Variants in RTL4 observed in about 807,000 individuals in gnomAD.
RTL4 encodes retrotransposon Gag like 4.
Under a neutral mutation model 5.3 loss-of-function variants are expected in RTL4, and 4 were observed. The ratio of observed to expected loss-of-function variants is 0.75; its 90% CI spans 0.37 to 1.72. The LOEUF (loss-of-function observed/expected upper bound fraction) is 1.72. Ranked by LOEUF, RTL4 falls within the 40% of genes most tolerant of loss-of-function variation. The pLI is 0.04. For synonymous variants in RTL4, 98 were observed against 87.3 expected (o/e 1.12, Z -0.68); for missense variants, 260 against 227.1 (o/e 1.14, Z -0.93).
At chrX:112,175,539 C>T in the RTL4 span, among the ~76,000 whole-genome samples, 2 of 108,677 alleles carry the variant, frequency 1.8e-5, no homozygotes, top group Non-Finnish European at 1.9e-5. Flanking sequence ...GTTCTTTTGG[C>T]TTAGGATTGA....
chrX:112,328,518 G>C, the RTL4 span, among the ~76,000 whole-genome samples: 1 of 111,481 alleles, frequency 9.0e-6, no homozygotes, highest in Admixed American at 9.5e-5. Flanking sequence ...CAAGTCCTGA[G>C]TGACCTACAA....
the RTL4 span, among the ~76,000 whole-genome samples, chrX:112,333,086 G>A: frequency 1.9e-5 from 2 of 106,847 alleles, no homozygotes; most frequent in East Asian, 5.8e-4. Context: ...CTTCAATGGT[G>A]TGTGTGTGTG....
chrX:112,122,637 A>G, the RTL4 span, among the ~76,000 whole-genome samples: 87 of 111,325 alleles, frequency 7.8e-4, 1 homozygote, highest in African/African-American at 2.8e-3. Context: ...GTTGAGGTGA[A>G]TAAATACCCT....
upstream of RTL4, among the ~76,000 whole-genome samples, chrX:112,454,013 G>A (rs1926787929): frequency 9.0e-6 from 1 of 111,464 alleles, no homozygotes; most frequent in South Asian, 3.7e-4. Flanking sequence ...TTACCTCTCT[G>A]GGTCTCTGTT....
At chrX:112,242,202 G>A in the RTL4 span, among the ~76,000 whole-genome samples, 2 of 111,575 alleles carry the variant, frequency 1.8e-5, no homozygotes, top group African/African-American at 6.5e-5. Flanking sequence ...TCCACATGAA[G>A]TTTAAAGTAG....
the RTL4 span, among the ~76,000 whole-genome samples, chrX:112,262,627 A>T: frequency 2.7e-5 from 3 of 111,995 alleles, no homozygotes; most frequent in African/African-American, 9.7e-5. Context: ...ATTGTGGAAG[A>T]CAGTATGACA....
the RTL4 span, among the ~76,000 whole-genome samples, chrX:112,193,895 G>C: frequency 8.9e-6 from 1 of 112,297 alleles, no homozygotes; most frequent in Non-Finnish European, 1.9e-5. Context: ...GACACTCATT[G>C]AGAATATCCT....
chrX:112,325,419 A>G, the RTL4 span, among the ~76,000 whole-genome samples: 1 of 112,171 alleles, frequency 8.9e-6, no homozygotes, highest in South Asian at 3.7e-4. Flanking sequence ...GGCTACAGTA[A>G]CCAAAACAGC....
chrX:112,199,027 G>A, the RTL4 span, among the ~76,000 whole-genome samples: 3 of 110,955 alleles, frequency 2.7e-5, no homozygotes, highest in Non-Finnish European at 3.8e-5. Flanking sequence ...GGTGGCTCAC[G>A]CCTGTAATCC....
At chrX:112,117,993 T>C in the RTL4 span, among the ~76,000 whole-genome samples, 3 of 111,666 alleles carry the variant, frequency 2.7e-5, no homozygotes, top group East Asian at 2.8e-4. Flanking sequence ...AAATAAGATA[T>C]AATACAGTCA....
chrX:112,241,306 C>T, the RTL4 span, among the ~76,000 whole-genome samples: 1 of 111,489 alleles, frequency 9.0e-6, no homozygotes, highest in Admixed American at 9.5e-5. Context: ...TACAGTCCCA[C>T]CAACAGTGTA....
At chrX:112,314,351 G>A in the RTL4 span, among the ~76,000 whole-genome samples, 1 of 109,832 alleles carries the variant, frequency 9.1e-6, no homozygotes, top group African/African-American at 3.3e-5. Flanking sequence ...TCCTAGTAAT[G>A]GGAACTTTTT....
the RTL4 span, among the ~76,000 whole-genome samples, chrX:112,432,501 T>A: frequency 1.2e-4 from 12 of 103,159 alleles, no homozygotes; most frequent in East Asian, 2.9e-4. Flanking sequence ...GCATTTTTTC[T>A]TGTGTTTTTT....
At chrX:112,368,636 C>A in the RTL4 span, among the ~76,000 whole-genome samples, 3 of 110,320 alleles carry the variant, frequency 2.7e-5, no homozygotes, top group African/African-American at 9.9e-5. Flanking sequence ...CATAGGGTAA[C>A]CTTTCCCTTC....
At chrX:112,098,749 A>G in the RTL4 span, among the ~76,000 whole-genome samples, 1 of 111,942 alleles carries the variant, frequency 8.9e-6, no homozygotes. Flanking sequence ...TTGGCTGCAT[A>G]AATGTCTTCT....
the RTL4 span, among the ~76,000 whole-genome samples, chrX:112,083,466 G>T: frequency 8.9e-6 from 1 of 112,211 alleles, no homozygotes; most frequent in East Asian, 2.8e-4. Context: ...AGTCGCCAGG[G>T]ACTGACCTGG....
the RTL4 span, among the ~76,000 whole-genome samples, chrX:112,316,814 C>T: frequency 1.8e-4 from 20 of 111,804 alleles, no homozygotes; most frequent in African/African-American, 6.2e-4. Flanking sequence ...CTAATTTGTT[C>T]CTGCTGTTCT....
At chrX:112,185,690 G>A in the RTL4 span, among the ~76,000 whole-genome samples, 1 of 107,633 alleles carries the variant, frequency 9.3e-6, no homozygotes, top group Non-Finnish European at 1.9e-5. Context: ...AAACTGCTTG[G>A]ATTCAAAACT....
chrX:112,437,663 C>A, the RTL4 span, among the ~76,000 whole-genome samples: 2 of 111,402 alleles, frequency 1.8e-5, no homozygotes, highest in Admixed American at 9.6e-5. Flanking sequence ...CTTTCAGAAT[C>A]ATTTTCTCCC....
Sources: gnomAD v4.1 joint callset for allele counts (sites outside exome capture counted in the v4.1 genomes callset) on GRCh38, gnomAD v4.1.1 for gene constraint, MANE v1.5 for transcripts, NCBI Gene and HGNC (gene_info 2026-07-23, HGNC 2026-07-21) for gene names.